SMOC2: variants seen among roughly 807,000 people sequenced by gnomAD.
The protein encoded by SMOC2 is SPARC-related modular calcium-binding protein 2.
Under a neutral mutation model 61.4 loss-of-function variants are expected in SMOC2, and 39 were observed. The observed-to-expected ratio is 0.64, with a 90% confidence interval of 0.49 to 0.83. SMOC2 has a LOEUF of 0.83. Ranked by LOEUF, SMOC2 falls within the 40% of genes least tolerant of loss-of-function variation. SMOC2 has a pLI of 0.00. For missense variants in SMOC2, 556 were observed against 592.9 expected, an observed-to-expected ratio of 0.94 and a Z score of 0.65; for synonymous variants, 247 against 239.9, an observed-to-expected ratio of 1.03 and a Z score of -0.27.
intron 1 of SMOC2, among the ~76,000 whole-genome samples, chr6:168,464,298 G>A (rs773056863): frequency 1.1e-4 from 17 of 151,730 alleles, no homozygotes; most frequent in South Asian, 2.1e-4. Flanking sequence ...AAGGAAGGAC[G>A]GACGGAAGGA....
At chr6:168,516,008 T>C (rs1283749515) in intron 2 of SMOC2, among the ~76,000 whole-genome samples, 1 of 152,210 alleles carries the variant, frequency 6.6e-6, no homozygotes, top group African/African-American at 2.4e-5. Flanking sequence ...TGTAGCACAG[T>C]GTCGCCTCGG....
At chr6:168,659,101 G>A (rs937313348) in intron 11 of SMOC2, among the ~76,000 whole-genome samples, 6 of 151,814 alleles carry the variant, frequency 4.0e-5, no homozygotes, top group African/African-American at 1.5e-4. Context: ...AGCATGTGGT[G>A]TGTAAACACT....
chr6:168,509,952 G>A lies in SMOC2; in HGVS notation c.122G>A (p.Ser41Asn), dbSNP rs746350725. Residue 41 changes from serine to asparagine, a missense_variant, in exon 2 of 13, where the codon AGC becomes AAC. By Grantham distance (46) the Ser-to-Asn change is conservative (BLOSUM62 1). Transcript: ENST00000356284. The stretch of plus-strand genomic sequence containing the variant: ...GATCAAGATAAAGACAAGGATTGTA[G>A]CTTGGACTGTGCGGGTTCGCCCCAG... ...RVDQDKDKDC[S>N]LDCAGSPQKP... 6.2e-7 allele frequency: 1 copy of A among 1,613,966 alleles called. No individual in the cohort carries two copies. Among genetic ancestry groups the A allele is most frequent in the Non-Finnish European group, 8.5e-7 (1 of 1,179,856 alleles).
intron 12 of SMOC2, chr6:168,664,384 C>CTTTTTTTTTTTTTTTTTTTTTTTTTTTT (rs750178882): frequency 3.5e-6 from 1 of 283,094 alleles, no homozygotes; most frequent in African/African-American, 4.0e-5. Flanking sequence ...TTTGGTAGAT[C>CTTTTTTTTTTTTTTTTTTTTTTTTTTTT]TTTTTTTTTT....
At chr6:168,541,109 G>A (rs1375711239) in intron 4 of SMOC2, among the ~76,000 whole-genome samples, 6 of 152,198 alleles carry the variant, frequency 3.9e-5, no homozygotes, top group South Asian at 2.1e-4. Flanking sequence ...AACCGGAGAC[G>A]TTTCCTCACA....
intron 2 of SMOC2, among the ~76,000 whole-genome samples, chr6:168,518,376 A>G (rs1583073636): frequency 6.6e-6 from 1 of 150,498 alleles, no homozygotes; most frequent in East Asian, 1.9e-4. Flanking sequence ...GTTCATGTGC[A>G]TTGTGTGCAT....
intron 7 of SMOC2, among the ~76,000 whole-genome samples, chr6:168,578,876 G>GA (rs1784865085): frequency 6.6e-6 from 1 of 152,140 alleles, no homozygotes; most frequent in Non-Finnish European, 1.5e-5. Context: ...TTCAAGTAGG[G>GA]ATCGCTGCGT....
intron 2 of SMOC2, among the ~76,000 whole-genome samples, chr6:168,525,401 C>A (rs1202052502): frequency 6.6e-6 from 1 of 152,192 alleles, no homozygotes; most frequent in African/African-American, 2.4e-5. Context: ...GTGGTCCTCA[C>A]GTGTCTTAAC....
chr6:168,648,279 C>T (rs112447659), intron 9 of SMOC2, among the ~76,000 whole-genome samples: 4,070 of 152,324 alleles, frequency 0.027, 289 homozygotes, highest in Admixed American at 0.15. Context: ...GGCAGGTGCC[C>T]GAGGTCCTGT....
At chr6:168,458,641 C>G (rs1361183233) in intron 1 of SMOC2, among the ~76,000 whole-genome samples, 1 of 152,148 alleles carries the variant, frequency 6.6e-6, no homozygotes, top group Non-Finnish European at 1.5e-5. Flanking sequence ...TCCCAGGGTC[C>G]TGGGCCAGCT....
At chr6:168,567,023 C>T (rs1456269877) in intron 7 of SMOC2, among the ~76,000 whole-genome samples, 1 of 152,210 alleles carries the variant, frequency 6.6e-6, no homozygotes, top group African/African-American at 2.4e-5. Flanking sequence ...TTTTATAGCT[C>T]ATAACTCTTT....
chr6:168,659,954 TTGGGTG>T (rs1787462394), intron 11 of SMOC2, among the ~76,000 whole-genome samples: 9 of 89,544 alleles, frequency 1.0e-4, no homozygotes, highest in East Asian at 3.1e-4. Context: ...AGGTTGTAGG[TTGGGTG>T]AGGTTGTAGA....
In SMOC2 at chr6:168,441,415, G is replaced by C; in HGVS notation, c.45G>C (p.Leu15=). 1.3e-6 allele frequency: 2 copies of C among 1,508,964 alleles called. No homozygotes were observed. The highest frequency in any genetic ancestry group is 1.8e-6 in the Non-Finnish European group (2 of 1,133,314). The allele number at this position is 1,508,964 out of a possible 1,614,324, so 93.5% of individuals were successfully genotyped here. ...QLCWLPLLAG[L]LPPVPAQKFS... The stretch of plus-strand genomic sequence containing the variant: ...GCTGGCTGCCGCTGCTCGCTGGGCT[G>C]CTCCCGCCGGTGCCCGCTCAGAAGT... The change falls in exon 1 of 13, where the codon CTG becomes CTC. Residue 15 remains leucine, a synonymous_variant. Coordinates refer to ENST00000356284, the MANE Select transcript of SMOC2 (RefSeq NM_001166412.2).
rs140482006 is a variant in SMOC2 at position 168,553,900 on chromosome 6, A to G, written c.637+4697A>G. ...GAGGATTATTCCATGGGACGAGTCG[A>G]TTAAAACTTGCTTTTGAACTGCGTG... On this transcript the variant is annotated intron_variant, in intron 7 of 12. Coordinates refer to ENST00000356284, the MANE Select transcript of SMOC2 (RefSeq NM_001166412.2). The surrounding 1 kb of genome is among the most constrained non-coding windows in gnomAD (Gnocchi z 4.2). Among the ~76,000 whole-genome samples, 1,779 of 148,412 alleles carry G rather than the reference A, an allele frequency of 0.012. 58 individuals are homozygous for G. Among genetic ancestry groups the G allele is most frequent in the African/African-American group, 0.044 (1,696 of 38,982 alleles).
intron 5 of SMOC2, among the ~76,000 whole-genome samples, chr6:168,545,800 C>G (rs1185187064): frequency 6.6e-6 from 1 of 152,220 alleles, no homozygotes; most frequent in Non-Finnish European, 1.5e-5. Context: ...AAACACACAA[C>G]AGTAATAATG....
chr6:168,493,334 G>T (rs957951263), intron 1 of SMOC2, among the ~76,000 whole-genome samples: 1 of 152,094 alleles, frequency 6.6e-6, no homozygotes, highest in Admixed American at 6.5e-5. Flanking sequence ...ACCACACCTG[G>T]CCTCAAAAGT....
At chr6:168,595,065 G>A (rs1463929828) in intron 7 of SMOC2, among the ~76,000 whole-genome samples, 2 of 116,788 alleles carry the variant, frequency 1.7e-5, no homozygotes, top group African/African-American at 5.8e-5. Flanking sequence ...GAGGATGGCC[G>A]AGCTCCTCCT....
intron 9 of SMOC2, among the ~76,000 whole-genome samples, chr6:168,636,145 C>T (rs1238499644): frequency 1.3e-5 from 2 of 152,142 alleles, no homozygotes; most frequent in Admixed American, 6.5e-5. Context: ...AGACTTCTGC[C>T]GTGAAAGTTT....
intron 1 of SMOC2, among the ~76,000 whole-genome samples, chr6:168,465,810 G>C (rs1781818479): frequency 7.5e-6 from 1 of 133,582 alleles, no homozygotes. Context: ...GATGAAGTGA[G>C]GTGCTGCTCT....
Sources: allele counts gnomAD v4.1 joint callset (sites outside exome capture counted in the v4.1 genomes callset), GRCh38; gene constraint gnomAD v4.1.1; non-coding constraint Gnocchi (gnomAD v3.1); transcripts MANE v1.5; gene names NCBI Gene and HGNC (gene_info 2026-07-23, HGNC 2026-07-21).